Variants in XIRP2 observed in about 807,000 individuals in gnomAD.
XIRP2 encodes xin actin-binding repeat-containing protein 2.
In XIRP2, 236 loss-of-function variants were observed where a neutral mutation model predicts 277.0. The ratio of observed to expected loss-of-function variants is 0.85; its 90% CI spans 0.77 to 0.95. XIRP2 has a LOEUF of 0.95. Among genes scored for constraint, XIRP2 ranks in the 40% least tolerant of loss-of-function variants. XIRP2 has a pLI of 0.00. For synonymous variants in XIRP2, 1,490 were observed against 1,416.5 expected, an observed-to-expected ratio of 1.05 and a Z score of -1.17; for missense variants, 4,640 against 4,157.5, an observed-to-expected ratio of 1.12 and a Z score of -3.19.
At chr2:167,083,863 A>C (rs1285708278) in intron 2 of XIRP2, among the ~76,000 whole-genome samples, 1 of 151,906 alleles carries the variant, frequency 6.6e-6, no homozygotes, top group Non-Finnish European at 1.5e-5. Context: ...GGTTTTCTAG[A>C]TATACAATCA....
intron 3 of XIRP2, among the ~76,000 whole-genome samples, chr2:167,172,806 G>A (rs60543052): frequency 0.11 from 16,451 of 152,070 alleles, 1,884 homozygotes; most frequent in African/African-American, 0.29. Context: ...ATCATCACAG[G>A]GTCCTGAGGT....
chr2:167,247,368 G>T lies in XIRP2; in HGVS notation c.5976G>T (p.Gly1992=). ...TTGAGCCAGCGGCCAAGTGGCAAGGGGGAGCAGATACTCTCAGTCAAACTA... is the reference window on the plus strand; with the variant it reads ...TTGAGCCAGCGGCCAAGTGGCAAGGTGGAGCAGATACTCTCAGTCAAACTA... ...GPFEPAAKWQ[G]GADTLSQTMG... is the part of the protein sequence containing the mutation. The change falls in exon 9 of 11, where the codon GGG becomes GGT. Residue 1992 remains glycine (G), a synonymous_variant. Transcript: ENST00000409195. 6.2e-7 allele frequency: 1 copy of T among 1,613,758 alleles called. No individual in the cohort carries two copies. Among genetic ancestry groups the T allele is most frequent in the South Asian group, 1.1e-5 (1 of 91,076 alleles).
At position 167,251,140 on chromosome 2, in the gene XIRP2, G is replaced by A. The variant is rs1418660500; in HGVS notation, c.9748G>A (p.Gly3250Ser). 1 of 1,613,436 alleles carries A rather than the reference G, an allele frequency of 6.2e-7. No individual in the cohort carries two copies. ...AGTAAATATAAATCATGCTGCTAGT[G>A]GTTCCTTCAGAGAATCTGTGGACGC... ...IPVNINHAASGSFRESVDAQE... is the reference protein window; with the variant it reads ...IPVNINHAASSSFRESVDAQE... Residue 3250 changes from glycine (G) to serine (S), a missense_variant, in exon 9 of 11, where the codon GGT becomes AGT. By Grantham distance (56) the Gly-to-Ser change is moderately conservative. Transcript: ENST00000409195.
intron 2 of XIRP2, among the ~76,000 whole-genome samples, chr2:166,909,452 T>C (rs983342459): frequency 3.3e-5 from 5 of 152,212 alleles, no homozygotes; most frequent in Non-Finnish European, 7.3e-5. Flanking sequence ...CTTGTGATTT[T>C]TGCACATTGA....
chr2:167,244,436 G>A lies in XIRP2; in HGVS notation c.3044G>A (p.Arg1015Lys), dbSNP rs865938833. ...GAAGAAATCGTAAGAGGTGATGTAA[G>A]AAGCTGTAGGTGGCTTTTTGAAACA... ...QQEEIVRGDV[R>K]SCRWLFETRP... is the part of the protein sequence containing the mutation. Residue 1015 changes from arginine (R) to lysine (K), a missense_variant, in exon 9 of 11, where the codon AGA becomes AAA. Transcript: ENST00000409195. The A allele has an allele frequency of 6.2e-7, 1 of 1,613,760 alleles. No homozygotes were observed. Among genetic ancestry groups the A allele is most frequent in the Non-Finnish European group, 8.5e-7 (1 of 1,179,806 alleles).
intron 3 of XIRP2, among the ~76,000 whole-genome samples, chr2:167,137,318 A>T (rs984038986): frequency 6.6e-6 from 1 of 152,162 alleles, no homozygotes; most frequent in African/African-American, 2.4e-5. Flanking sequence ...TAATATCCTA[A>T]TATGATTAGT....
chr2:167,243,686 G>A lies in XIRP2; in HGVS notation c.2294G>A (p.Gly765Glu), dbSNP rs747523678. ...KTVHREDVEK[G>E]DVRTARWMFE... is the part of the protein sequence containing the mutation. The stretch of plus-strand genomic sequence containing the variant: ...GTTCACAGAGAAGACGTTGAAAAGG[G>A]AGATGTAAGAACAGCACGGTGGATG... The change falls in exon 9 of 11, where the codon GGA (glycine) becomes GAA (glutamate). Residue 765 changes from glycine (G) to glutamate (E), a missense_variant. By Grantham distance (98) the Gly-to-Glu change is moderately conservative. Transcript: ENST00000409195. The A allele has an allele frequency of 1.2e-6, 2 of 1,614,060 alleles. No individual in the cohort carries two copies. The highest frequency in any genetic ancestry group is 2.2e-5 in the South Asian group (2 of 91,070).
At chr2:166,962,057 T>G (rs1157311783) in intron 2 of XIRP2, among the ~76,000 whole-genome samples, 2 of 151,680 alleles carry the variant, frequency 1.3e-5, no homozygotes, top group African/African-American at 4.8e-5. Context: ...GAGGAAGAGA[T>G]ATTTTGTTGG....
intron 2 of XIRP2, among the ~76,000 whole-genome samples, chr2:166,938,892 T>A (rs1172476545): frequency 6.6e-6 from 1 of 152,200 alleles, no homozygotes; most frequent in Non-Finnish European, 1.5e-5. Context: ...AAAGTCTGTT[T>A]TATCCAAGAC....
intron 2 of XIRP2, among the ~76,000 whole-genome samples, chr2:167,128,098 A>G (rs928978921): frequency 3.3e-5 from 5 of 152,190 alleles, no homozygotes; most frequent in African/African-American, 9.6e-5. Flanking sequence ...AGCCATCTCA[A>G]TTAGAATATC....
chr2:167,132,879 A>G (rs1489626512), intron 2 of XIRP2, among the ~76,000 whole-genome samples: 2 of 152,184 alleles, frequency 1.3e-5, no homozygotes, highest in African/African-American at 4.8e-5. Flanking sequence ...TTAGAGTTGC[A>G]TGTTTAATAC....
At chr2:167,202,769 A>G (rs1368936381) in intron 3 of XIRP2, among the ~76,000 whole-genome samples, 1 of 152,278 alleles carries the variant, frequency 6.6e-6, no homozygotes, top group South Asian at 2.1e-4. Context: ...ACAGATTCCA[A>G]TAGCACTCAT....
At chr2:167,059,833 G>C (rs1460994524) in intron 2 of XIRP2, among the ~76,000 whole-genome samples, 1 of 152,164 alleles carries the variant, frequency 6.6e-6, no homozygotes, top group Non-Finnish European at 1.5e-5. Context: ...TGGTCAATGC[G>C]ACATCAGCAA....
At chr2:167,121,639 A>C (rs1028507647) in intron 2 of XIRP2, among the ~76,000 whole-genome samples, 1 of 152,202 alleles carries the variant, frequency 6.6e-6, no homozygotes, top group Non-Finnish European at 1.5e-5. Flanking sequence ...ACTAATAAAG[A>C]TAATCCTAAA....
intron 2 of XIRP2, among the ~76,000 whole-genome samples, chr2:167,009,840 T>C (rs1281442179): frequency 7.2e-5 from 11 of 152,130 alleles, no homozygotes; most frequent in Admixed American, 7.2e-4. Context: ...TCTTCATGTG[T>C]TTTTTGGCTG....
rs1368711952 is a variant in XIRP2, at chr2:166,903,500, G to A, written c.18G>A (p.Lys6=). The A allele has an allele frequency of 1.9e-6, 3 of 1,612,842 alleles. No individual in the cohort carries two copies. The highest frequency in any genetic ancestry group is 2.2e-5 in the South Asian group (2 of 90,978). The change falls in exon 2 of 11, where the codon AAG becomes AAA. Residue 6 remains lysine, a synonymous_variant. Coordinates refer to ENST00000409195, the MANE Select transcript of XIRP2 (RefSeq NM_152381.6). MFPMQ[K]GSLNLLRQKW... Reference sequence around the variant, plus strand: ...ACCCATCCATGTTCCCAATGCAGAAGGGCTCCCTCAACCTCCTGAGGCAGA... The same window carrying A: ...ACCCATCCATGTTCCCAATGCAGAAAGGCTCCCTCAACCTCCTGAGGCAGA...
intron 3 of XIRP2, among the ~76,000 whole-genome samples, chr2:167,138,719 A>ACAAAT (rs1381466627): frequency 2.0e-5 from 3 of 152,158 alleles, no homozygotes; most frequent in Non-Finnish European, 4.4e-5. Flanking sequence ...ATGAAAGAAA[A>ACAAAT]CAAATCAATC....
chr2:167,008,729 G>C (rs1203863836), intron 2 of XIRP2, among the ~76,000 whole-genome samples: 1 of 151,388 alleles, frequency 6.6e-6, no homozygotes, highest in Non-Finnish European at 1.5e-5. Context: ...AACTAAATAA[G>C]TACATAATTA....
At chr2:167,031,419 T>C (rs1005153081) in intron 2 of XIRP2, among the ~76,000 whole-genome samples, 1 of 152,150 alleles carries the variant, frequency 6.6e-6, no homozygotes, top group African/African-American at 2.4e-5. Flanking sequence ...CATTTGCTTG[T>C]CTTTAAAGGA....
Sources: gnomAD v4.1 joint callset for allele counts (sites outside exome capture counted in the v4.1 genomes callset) on GRCh38, gnomAD v4.1.1 for gene constraint, MANE v1.5 for transcripts, NCBI Gene and HGNC (gene_info 2026-07-23, HGNC 2026-07-21) for gene names.